Variants in PPP1R7 observed in about 807,000 individuals in gnomAD.
The protein encoded by PPP1R7 is protein phosphatase 1 regulatory subunit 7, also known as protein phosphatase 1 regulatory subunit 22.
In PPP1R7, 18 loss-of-function variants were observed where a neutral mutation model predicts 45.2. That is an observed-to-expected ratio of 0.40 (90% CI 0.28 to 0.59). The LOEUF (loss-of-function observed/expected upper bound fraction) is 0.59, where lower values mean the gene tolerates loss of function less well. PPP1R7 is among the 20% of genes least tolerant of loss of function. PPP1R7 has a pLI of 0.46. For synonymous variants in PPP1R7, 181 were observed against 183.4 expected, an observed-to-expected ratio of 0.99 and a Z score of 0.11; for missense variants, 314 against 455.8, an observed-to-expected ratio of 0.69 and a Z score of 2.83.
At chr2:241,177,871 G>A (rs1374127550) in intron 9 of PPP1R7, among the ~76,000 whole-genome samples, 1 of 152,254 alleles carries the variant, frequency 6.6e-6, no homozygotes, top group Non-Finnish European at 1.5e-5. Flanking sequence ...CCGGCATGGA[G>A]CCCATCTGCC....
intron 7 of PPP1R7, 131 bp downstream of exon 7, chr2:241,163,532 A>T: frequency 1.5e-6 from 1 of 666,766 alleles, no homozygotes; most frequent in Non-Finnish European, 2.7e-6. Context: ...AGCAATTGAA[A>T]CATTAGATGC....
chr2:241,149,992 T>C (rs922245087), upstream of PPP1R7: 11 of 1,412,332 alleles, frequency 7.8e-6, no homozygotes, highest in African/African-American at 1.6e-4. Context: ...CGGGAGAATG[T>C]TGTTGCTCTT....
At chr2:241,180,258 T>C (rs902149406) in intron 9 of PPP1R7, among the ~76,000 whole-genome samples, 9 of 152,160 alleles carry the variant, frequency 5.9e-5, no homozygotes. Flanking sequence ...ATGAATGTCC[T>C]TTTTGTGTGT....
At chr2:241,166,990 C>A in intron 8 of PPP1R7, 2 of 1,529,080 alleles carry the variant, frequency 1.3e-6, no homozygotes, top group Non-Finnish European at 1.8e-6. Flanking sequence ...CTGCTTTCCA[C>A]ACCTGTCCTC....
intron 7 of PPP1R7, among the ~76,000 whole-genome samples, chr2:241,164,520 A>G (rs1048812411): frequency 4.6e-5 from 7 of 152,148 alleles, no homozygotes; most frequent in African/African-American, 1.7e-4. Context: ...TGGTTAGTTG[A>G]TCCCTGATCC....
chr2:241,181,303 G>T (rs558170843), intron 9 of PPP1R7, among the ~76,000 whole-genome samples: 170 of 152,246 alleles, frequency 1.1e-3, no homozygotes, highest in Non-Finnish European at 8.4e-4. Context: ...AGACAGCCTG[G>T]CTGTGACAGT....
intron 7 of PPP1R7, among the ~76,000 whole-genome samples, chr2:241,165,572 C>T (rs916228177): frequency 1.3e-5 from 2 of 152,056 alleles, no homozygotes; most frequent in African/African-American, 4.8e-5. Context: ...TACATGAGTC[C>T]CATTCTAGCA....
Position 241,183,608 on chromosome 2 carries a change from A to C in PPP1R7, c.*785A>C. 1 of 311,344 alleles carries C rather than the reference A, an allele frequency of 3.2e-6. No individual in the cohort carries two copies. The highest frequency in any genetic ancestry group is 2.5e-5 in the South Asian group (1 of 39,652). The allele number at this position is 311,344 out of a possible 1,614,324, so 19.3% of individuals were successfully genotyped here. On this transcript the variant is annotated 3_prime_UTR_variant, in exon 10 of 10. Coordinates refer to ENST00000234038, the MANE Select transcript of PPP1R7 (RefSeq NM_002712.3). ...TATAGTGGCCTCCTGTTCTCACCCC[A>C]TTGTTATTTTGGCTTTTTTAATATA...
chr2:241,175,539 G>T (rs144394012), intron 9 of PPP1R7, among the ~76,000 whole-genome samples: 2 of 152,152 alleles, frequency 1.3e-5, no homozygotes. Flanking sequence ...ATAATATTCC[G>T]CAGTATGGAT....
intron 9 of PPP1R7, among the ~76,000 whole-genome samples, chr2:241,176,079 A>G (rs1395226202): frequency 1.3e-5 from 2 of 151,986 alleles, no homozygotes; most frequent in Non-Finnish European, 2.9e-5. Context: ...TGTCTGGACC[A>G]TTTTAAAATC....
chr2:241,158,869 A>G, intron 4 of PPP1R7: 1 of 416,390 alleles, frequency 2.4e-6, no homozygotes, highest in South Asian at 3.5e-5. Flanking sequence ...CTCTCATTGG[A>G]ATTTGTCAAA....
chr2:241,157,874 T>G lies in PPP1R7; in HGVS notation c.237+12T>G. On this transcript the variant is annotated intron_variant, in intron 3 of 9. Transcript: ENST00000234038. ...ACAGAGATGCAGAGGTAATGCCGCC[T>G]GCTCAGCCCAGCCTTGGGCGTGGTG... 1 of 1,612,496 alleles carries G rather than the reference T, an allele frequency of 6.2e-7. No homozygotes were observed.
chr2:241,174,676 C>A (rs1574729132), intron 9 of PPP1R7, among the ~76,000 whole-genome samples: 1 of 151,476 alleles, frequency 6.6e-6, no homozygotes. Context: ...ATATTTTATC[C>A]TCTTTTTTTT....
At chr2:241,175,218 G>A (rs906901153) in intron 9 of PPP1R7, among the ~76,000 whole-genome samples, 1 of 152,302 alleles carries the variant, frequency 6.6e-6, no homozygotes, top group Middle Eastern at 3.4e-3. Flanking sequence ...CCATGTGGAA[G>A]TGTACAGTGA....
rs199789467 is a variant in PPP1R7 at position 241,166,357 on chromosome 2, C to A, written c.735C>A (p.Ile245=). The A allele has an allele frequency of 6.2e-7, 1 of 1,613,996 alleles. No homozygotes were observed. The highest frequency in any genetic ancestry group is 1.1e-5 in the South Asian group (1 of 91,056). The part of the protein sequence containing the change: ...LSMQSNRLTK[I]EGLQNLVNLR... ...TGCAGAGCAACCGGCTGACCAAGAT[C>A]GAGGGTCTGCAGAACCTGGTGAACC... is the stretch of plus-strand genomic sequence containing the variant. Residue 245 remains isoleucine, a synonymous_variant, in exon 8 of 10, where the codon ATC becomes ATA. Coordinates refer to ENST00000234038, the MANE Select transcript of PPP1R7 (RefSeq NM_002712.3).
Position 241,183,292 on chromosome 2 carries a change from C to A in PPP1R7, c.*469C>A. On this transcript the variant is annotated 3_prime_UTR_variant, in exon 10 of 10. Coordinates refer to ENST00000234038, the MANE Select transcript of PPP1R7 (RefSeq NM_002712.3). ...CAACCGAGGTTTTTTAGTCTTTTAA[C>A]CCAGCCATTTTCAATTTTTTAAAAA... is the stretch of plus-strand genomic sequence containing the variant. 2.3e-6 allele frequency: 1 copy of A among 428,224 alleles called. No homozygotes were observed. The highest frequency in any genetic ancestry group is 7.1e-5 in the East Asian group (1 of 14,034). 26.5% of individuals were successfully genotyped at this position (428,224 alleles called of 1,614,324 possible).
intron 7 of PPP1R7, among the ~76,000 whole-genome samples, chr2:241,165,408 C>T (rs577861120): frequency 6.6e-6 from 1 of 152,120 alleles, no homozygotes; most frequent in East Asian, 1.9e-4. Flanking sequence ...CTCAGGTGAT[C>T]CTCCTGCCTT....
intron 2 of PPP1R7, among the ~76,000 whole-genome samples, 187 bp from the exon 3 acceptor site, chr2:241,157,620 A>C (rs1334187515): frequency 6.6e-6 from 1 of 152,184 alleles, no homozygotes; most frequent in South Asian, 2.1e-4. Context: ...AAACATCACT[A>C]TTGTTGGAGC....
chr2:241,159,393 T>G (rs759213214), intron 5 of PPP1R7, 50 bp downstream of exon 5: 1 of 1,600,096 alleles, frequency 6.2e-7, no homozygotes, highest in Non-Finnish European at 8.5e-7. Context: ...GGCCACTGGG[T>G]GGGGGGTGTC....
Sources: allele counts gnomAD v4.1 joint callset (sites outside exome capture counted in the v4.1 genomes callset), GRCh38; gene constraint gnomAD v4.1.1; transcripts MANE v1.5; gene names NCBI Gene and HGNC (gene_info 2026-07-23, HGNC 2026-07-21).